TBC1D19: variants seen among roughly 807,000 people sequenced by gnomAD.
TBC1D19 encodes TBC1 domain family member 19.
TBC1D19 carries 60 observed loss-of-function variants against 89.0 expected under a neutral mutation model. That is an observed-to-expected ratio of 0.67 (90% confidence interval 0.55 to 0.84). The LOEUF (loss-of-function observed/expected upper bound fraction) is 0.84, where lower values mean the gene tolerates loss of function less well. Among genes scored for constraint, TBC1D19 ranks in the 40% least tolerant of loss-of-function variants. TBC1D19 has a pLI of 0.00. For synonymous variants in TBC1D19, 189 were observed against 199.7 expected (o/e 0.95, Z 0.45); for missense variants, 500 against 610.8 (o/e 0.82, Z 1.91).
the TBC1D19 span, among the ~76,000 whole-genome samples, chr4:26,828,146 A>G: frequency 6.6e-6 from 1 of 152,162 alleles, no homozygotes; most frequent in African/African-American, 2.4e-5. Context: ...CTTCTATTAA[A>G]TGGGCTTGTC....
At chr4:26,692,563 A>G (rs1714392998) in intron 13 of TBC1D19, among the ~76,000 whole-genome samples, 1 of 152,240 alleles carries the variant, frequency 6.6e-6, no homozygotes, top group African/African-American at 2.4e-5. Flanking sequence ...AGAATGGGAG[A>G]CAGCTTTAAC....
At chr4:26,635,796 C>T (rs1577844534) in intron 4 of TBC1D19, among the ~76,000 whole-genome samples, 1 of 151,878 alleles carries the variant, frequency 6.6e-6, no homozygotes, top group East Asian at 1.9e-4. Context: ...GGTTGGGGAC[C>T]AGGTGAGAAA....
chr4:26,688,215 T>G (rs1713984788), intron 12 of TBC1D19, 130 bp from the exon 13 acceptor site: 2 of 1,269,982 alleles, frequency 1.6e-6, no homozygotes, highest in Non-Finnish European at 2.0e-6. Flanking sequence ...ATGATAAAAT[T>G]TAATTGAGAA....
At chr4:26,835,846 G>T in the TBC1D19 span, among the ~76,000 whole-genome samples, 1 of 152,036 alleles carries the variant, frequency 6.6e-6, no homozygotes, top group Non-Finnish European at 1.5e-5. Context: ...GGCTCACCAG[G>T]CTTGTGTTCT....
chr4:26,611,601 C>CTCT lies in TBC1D19; in HGVS notation c.100-1567_100-1566insCTT, dbSNP rs1741384881. On this transcript the variant is annotated intron_variant, in intron 1 of 20. Coordinates refer to ENST00000264866, the MANE Select transcript of TBC1D19 (RefSeq NM_018317.4). ...ATTATCTCTTTTGCAATGTGAGCAGCTGTTTTTGCTCAATGCCTAGAATTA... is the reference window on the plus strand; with the variant it reads ...ATTATCTCTTTTGCAATGTGAGCAGCTCTTGTTTTTGCTCAATGCCTAGAATTA... Among the ~76,000 whole-genome samples, 3 of 152,082 alleles carry CTCT rather than the reference C, an allele frequency of 2.0e-5. No homozygotes were observed. In the South Asian group the frequency reaches 6.2e-4, roughly 31 times the overall value.
intron 15 of TBC1D19, among the ~76,000 whole-genome samples, chr4:26,729,742 G>A (rs182451095): frequency 3.2e-4 from 48 of 152,282 alleles, no homozygotes; most frequent in Middle Eastern, 3.4e-3. Context: ...AATCATGAAT[G>A]TTTAAGGCCA....
chr4:26,797,706 A>G, the TBC1D19 span, among the ~76,000 whole-genome samples: 1 of 152,228 alleles, frequency 6.6e-6, no homozygotes, highest in East Asian at 1.9e-4. Context: ...CACATAGGTT[A>G]ATGGAATAGG....
chr4:26,592,497 G>A (rs1375004463), intron 1 of TBC1D19, among the ~76,000 whole-genome samples: 2 of 151,656 alleles, frequency 1.3e-5, no homozygotes, highest in African/African-American at 2.4e-5. Context: ...GGGCAATCAG[G>A]CAGGTTAAAG....
intron 6 of TBC1D19, among the ~76,000 whole-genome samples, chr4:26,639,535 T>G (rs939309214): frequency 6.6e-6 from 1 of 152,194 alleles, no homozygotes; most frequent in Non-Finnish European, 1.5e-5. Context: ...CTTTAAAATG[T>G]TTTAAAGAAT....
chr4:26,823,683 T>C, the TBC1D19 span, among the ~76,000 whole-genome samples: 1 of 152,204 alleles, frequency 6.6e-6, no homozygotes, highest in Non-Finnish European at 1.5e-5. Context: ...GCCTCTGGAC[T>C]TCTCAGCTAG....
At chr4:26,793,120 A>G in the TBC1D19 span, among the ~76,000 whole-genome samples, 1 of 152,182 alleles carries the variant, frequency 6.6e-6, no homozygotes, top group African/African-American at 2.4e-5. Context: ...GCAGTGCTGA[A>G]GAGGCCAAGG....
At chr4:26,817,981 A>AAATATATATATATATATATATATATAT in the TBC1D19 span, among the ~76,000 whole-genome samples, 1 of 126,078 alleles carries the variant, frequency 7.9e-6, no homozygotes, top group African/African-American at 3.7e-5. Flanking sequence ...AAAAAAAAAA[A>AAATATATATATATATATATATATATAT]ATATATATAT....
At chr4:26,619,739 T>A (rs1741920322) in intron 3 of TBC1D19, among the ~76,000 whole-genome samples, 2 of 152,212 alleles carry the variant, frequency 1.3e-5, no homozygotes, top group Non-Finnish European at 2.9e-5. Flanking sequence ...TGAAGCTGTC[T>A]TATAGATTAG....
chr4:26,820,839 T>C, the TBC1D19 span, among the ~76,000 whole-genome samples: 1 of 152,320 alleles, frequency 6.6e-6, no homozygotes, highest in East Asian at 1.9e-4. Context: ...ATATTATATG[T>C]TTAACTCATT....
chr4:26,591,178 C>G (rs1278493725), intron 1 of TBC1D19, among the ~76,000 whole-genome samples: 2 of 151,814 alleles, frequency 1.3e-5, no homozygotes, highest in Admixed American at 1.3e-4. Flanking sequence ...GTGTCTTTCA[C>G]TTAGCAATAT....
the TBC1D19 span, among the ~76,000 whole-genome samples, chr4:26,801,862 A>G: frequency 2.6e-5 from 4 of 152,196 alleles, no homozygotes; most frequent in African/African-American, 9.7e-5. Flanking sequence ...GTAAAGTTAC[A>G]ATGAGACAAG....
intron 13 of TBC1D19, among the ~76,000 whole-genome samples, chr4:26,697,722 A>G (rs551397045): frequency 2.0e-5 from 3 of 152,336 alleles, no homozygotes; most frequent in African/African-American, 4.8e-5. Context: ...CAAATCAATA[A>G]ACCAAATCCA....
the TBC1D19 span, among the ~76,000 whole-genome samples, chr4:26,842,588 CTT>C: frequency 4.4e-4 from 46 of 104,784 alleles, no homozygotes; most frequent in East Asian, 2.4e-3. Context: ...CCCTCCCTTT[CTT>C]TCTTTCTTTC....
chr4:26,730,453 A>G (rs1243742775), intron 15 of TBC1D19, among the ~76,000 whole-genome samples: 2 of 152,154 alleles, frequency 1.3e-5, no homozygotes, highest in Non-Finnish European at 2.9e-5. Flanking sequence ...TATTGTTCCC[A>G]CTTGATTGTT....
Sources: allele counts gnomAD v4.1 joint callset (sites outside exome capture counted in the v4.1 genomes callset), GRCh38; gene constraint gnomAD v4.1.1; transcripts MANE v1.5; gene names NCBI Gene and HGNC (gene_info 2026-07-23, HGNC 2026-07-21).